MCF2L: variants seen among roughly 807,000 people sequenced by gnomAD.
The protein encoded by MCF2L is guanine nucleotide exchange factor DBS.
A neutral mutation model predicts 153.4 loss-of-function variants in MCF2L; 97 were observed. The ratio of observed to expected loss-of-function variants is 0.63; its 90% confidence interval spans 0.54 to 0.75. MCF2L has a LOEUF of 0.75. Ranked by LOEUF, MCF2L falls within the 30% of genes least tolerant of loss-of-function variation. MCF2L has a pLI of 0.00. For missense variants in MCF2L, 1,347 were observed against 1,495.2 expected, an observed-to-expected ratio of 0.90 and a Z score of 1.64; for synonymous variants, 659 against 632.2, an observed-to-expected ratio of 1.04 and a Z score of -0.64.
At chr13:113,037,759 G>A (rs1188812198) in intron 3 of MCF2L, among the ~76,000 whole-genome samples, 3 of 152,184 alleles carry the variant, frequency 2.0e-5, no homozygotes, top group Non-Finnish European at 4.4e-5. Flanking sequence ...GGTATTGAAC[G>A]CTTTGCCGCT....
Position 113,065,037 on chromosome 13 carries a change from G to C in MCF2L, c.708G>C (p.Ser236=). 6.2e-7 allele frequency: 1 copy of C among 1,612,430 alleles called. No homozygotes were observed. The highest frequency in any genetic ancestry group is 1.3e-5 in the African/African-American group (1 of 74,698). Residue 236 remains serine (S), a synonymous_variant, in exon 7 of 30, where the codon TCG becomes TCC. Transcript: ENST00000535094. ...CAGAGCTGCCCAATGACGTCCAGTC[G>C]ACAAGCTCAGTGCTGTGTGCGCACA... ...AETELPNDVQ[S]TSSVLCAHTE...
At chr13:112,975,216 C>T (rs1457551130) in intron 1 of MCF2L, among the ~76,000 whole-genome samples, 2 of 152,166 alleles carry the variant, frequency 1.3e-5, no homozygotes, top group African/African-American at 2.4e-5. Context: ...AATGGAGCTG[C>T]CTACATTGGA....
chr13:113,070,120 C>A lies in MCF2L; in HGVS notation c.943C>A (p.Gln315Lys). The change falls in exon 9 of 30, where the codon CAG becomes AAG. Residue 315 changes from glutamine (Q) to lysine (K), a missense_variant. Coordinates refer to ENST00000535094, the MANE Select transcript of MCF2L (RefSeq NM_001112732.3). The surrounding 1 kb of genome is among the most constrained non-coding windows in gnomAD (Gnocchi z 5.6). ...AFDEFWAKHQ[Q>K]KLEQCLQLRH... ...CGATGAGTTCTGGGCAAAGCATCAG[C>A]AGAAACTGGAGCAGTGTCTGCAGCT... 1 of 1,609,850 alleles carries A rather than the reference C, an allele frequency of 6.2e-7. No homozygotes were observed. The highest frequency in any genetic ancestry group is 8.5e-7 in the Non-Finnish European group (1 of 1,178,556).
chr13:113,091,814 A>G (rs1461016167), intron 26 of MCF2L, among the ~76,000 whole-genome samples: 1 of 152,164 alleles, frequency 6.6e-6, no homozygotes, highest in Non-Finnish European at 1.5e-5. Flanking sequence ...AGGACCTTCA[A>G]GTGCAGGGAC....
intron 4 of MCF2L, among the ~76,000 whole-genome samples, chr13:113,059,611 G>A (rs1307877254): frequency 2.0e-5 from 3 of 152,154 alleles, no homozygotes; most frequent in Admixed American, 2.0e-4. Context: ...GTCTGTCATC[G>A]CGGCTTTTGA....
intron 1 of MCF2L, chr13:112,894,476 A>AG (rs958013650): frequency 1.3e-5 from 2 of 149,950 alleles, no homozygotes; most frequent in African/African-American, 4.9e-5. Flanking sequence ...GGGTGACGGG[A>AG]GGGGGCGCGG....
chr13:113,091,048 G>GCCT, intron 26 of MCF2L: 1 of 1,296,204 alleles, frequency 7.7e-7, no homozygotes, highest in Non-Finnish European at 1.0e-6. Context: ...GCGCGGGTCA[G>GCCT]CCTCCTCGCC....
intron 1 of MCF2L, chr13:112,979,827 G>C: frequency 7.1e-7 from 1 of 1,414,562 alleles, no homozygotes; most frequent in Non-Finnish European, 9.6e-7. Context: ...TCCTCTCTGC[G>C]GGCAGGTGCC....
rs552237695 is a variant in MCF2L at position 113,075,037 on chromosome 13, G to A, written c.1156G>A (p.Glu386Lys). Reference protein sequence around the residue: ...ERARALSLDGEQLIGNKHYAV... With the variant: ...ERARALSLDGKQLIGNKHYAV... ...GGCCCGGGCCCTGTCTCTGGACGGCGAGCAGCTCATTGGGAACAAGCACTA... is the reference window on the plus strand; with the variant it reads ...GGCCCGGGCCCTGTCTCTGGACGGCAAGCAGCTCATTGGGAACAAGCACTA... The change falls in exon 11 of 30, where the codon GAG becomes AAG. Residue 386 changes from glutamate (E) to lysine (K), a missense_variant. By Grantham distance (56) the Glu-to-Lys change is moderately conservative. Around this residue, in one of 3 missense-constraint regions of MCF2L, gnomAD observed 820 missense variants for 921.2 expected, o/e 0.89. Transcript: ENST00000535094. The A allele has an allele frequency of 4.5e-5, 72 of 1,611,518 alleles. No individual in the cohort carries two copies. The highest frequency in any genetic ancestry group is 1.6e-4 in the Middle Eastern group (1 of 6,068).
At chr13:112,969,202 C>A (rs964679627), upstream of MCF2L, 15 of 1,098,042 alleles carry the variant, frequency 1.4e-5, no homozygotes, top group Non-Finnish European at 1.7e-5. The surrounding 1 kb of genome is among the most constrained non-coding windows in gnomAD (Gnocchi z 4.8). Context: ...CGCGCGCCCC[C>A]CTCCCGGTGG....
chr13:113,055,261 G>A lies in MCF2L; in HGVS notation c.370-5332G>A, dbSNP rs568618522. 3.9e-3 allele frequency among the ~76,000 whole-genome samples: 593 copies of A among 152,034 alleles called. 4 individuals are homozygous for A. Among genetic ancestry groups the A allele is most frequent in the African/African-American group, 0.014 (562 of 41,454 alleles). ...ACCCTAAAACTGAGCCAAGGAAGAG[G>A]GGGTCATGTTTGATGCTGGCAGAGC... On this transcript the variant is annotated intron_variant, in intron 4 of 29. Transcript: ENST00000535094.
intron 4 of MCF2L, among the ~76,000 whole-genome samples, chr13:113,048,620 TTTAGTAGAGACGGGGTTTCACCCACG>T (rs2086988709): frequency 6.6e-6 from 1 of 151,946 alleles, no homozygotes; most frequent in Non-Finnish European, 1.5e-5. Context: ...TTTTTATATT[TTTAGTAGAGACGGGGTTTCACCCACG>T]TTAGCCAGGA....
rs973169852 is a variant in MCF2L, at chr13:112,960,390, C to T, written c.170-54373C>T. ...TCTTAGGCCCCATGTCCCAGCACGG[C>T]GGCATTGGGGGTGAGGTTTCCCACA... On this transcript the variant is annotated intron_variant, in intron 2 of 29. Coordinates refer to the MCF2L transcript ENST00000375608. The surrounding 1 kb of genome is among the most constrained non-coding windows in gnomAD (Gnocchi z 4.2). 1.1e-3 allele frequency among the ~76,000 whole-genome samples: 170 copies of T among 152,306 alleles called. 1 individual carries two copies. Among genetic ancestry groups the T allele is most frequent in the African/African-American group, 3.4e-3 (140 of 41,572 alleles).
At chr13:113,017,659 C>A (rs1372435802) in intron 2 of MCF2L, among the ~76,000 whole-genome samples, 1 of 152,140 alleles carries the variant, frequency 6.6e-6, no homozygotes, top group Non-Finnish European at 1.5e-5. Context: ...CCCGCCCCAG[C>A]ATCACCCATG....
At chr13:112,901,341 A>G (rs1172993223) in intron 1 of MCF2L, among the ~76,000 whole-genome samples, 8 of 152,156 alleles carry the variant, frequency 5.3e-5, no homozygotes, top group South Asian at 2.1e-4. Context: ...TTTAGTAGAG[A>G]CGGGGTTTCG....
chr13:112,912,910 GTGTA>G (rs1369283420), intron 2 of MCF2L, among the ~76,000 whole-genome samples: 36 of 149,614 alleles, frequency 2.4e-4, no homozygotes, highest in African/African-American at 8.1e-4. Flanking sequence ...GTGTATCTCT[GTGTA>G]TGTATGGGGT....
chr13:113,085,254 T>G, intron 20 of MCF2L, 76 bp downstream of exon 20: 1 of 1,293,674 alleles, frequency 7.7e-7, no homozygotes, highest in Non-Finnish European at 1.1e-6. Flanking sequence ...TGGGGCCCCG[T>G]CCCCATCGCG....
intron 2 of MCF2L, among the ~76,000 whole-genome samples, chr13:112,959,818 C>A (rs987541888): frequency 1.3e-5 from 2 of 152,234 alleles, no homozygotes; most frequent in African/African-American, 2.4e-5. Flanking sequence ...ACAGCAGCAA[C>A]GCACCGGTGC....
intron 2 of MCF2L, among the ~76,000 whole-genome samples, chr13:112,912,915 T>G (rs2140528995): frequency 6.6e-6 from 1 of 150,984 alleles, no homozygotes; most frequent in African/African-American, 2.4e-5. Context: ...TCTCTGTGTA[T>G]GTATGGGGTG....
Sources: allele counts gnomAD v4.1 joint callset (sites outside exome capture counted in the v4.1 genomes callset), GRCh38; gene constraint gnomAD v4.1.1; regional missense constraint gnomAD v4.1.1; non-coding constraint Gnocchi (gnomAD v3.1); transcripts MANE v1.5; gene names NCBI Gene and HGNC (gene_info 2026-07-23, HGNC 2026-07-21).